Variants in RGS3 observed in about 807,000 individuals in gnomAD.
The protein encoded by RGS3 is regulator of G protein signaling 3.
RGS3 carries 80 observed loss-of-function variants against 132.6 expected under a neutral mutation model. The observed-to-expected ratio is 0.60, with a 90% CI of 0.50 to 0.73. The LOEUF (loss-of-function observed/expected upper bound fraction) is 0.73. RGS3 is among the 30% of genes least tolerant of loss of function. The pLI is 0.00. For missense variants in RGS3, 1,382 were observed against 1,530.8 expected (o/e 0.90, Z 1.62); for synonymous variants, 598 against 620.6 (o/e 0.96, Z 0.54).
chr9:113,464,494 A>T (rs776611221), intron 3 of RGS3, among the ~76,000 whole-genome samples: 11 of 152,200 alleles, frequency 7.2e-5, no homozygotes, highest in African/African-American at 2.7e-4. Flanking sequence ...GTTCCCCCAA[A>T]TAACAGCTGG....
At chr9:113,491,161 ATATT>A (rs1389990029) in intron 7 of RGS3, among the ~76,000 whole-genome samples, 2 of 145,082 alleles carry the variant, frequency 1.4e-5, no homozygotes, top group East Asian at 2.0e-4. Context: ...TATATTATAT[ATATT>A]CTTTATATAT....
chr9:113,508,507 G>C, intron 13 of RGS3, 34 bp from the exon 12 acceptor site: 1 of 1,611,946 alleles, frequency 6.2e-7, no homozygotes, highest in Non-Finnish European at 8.5e-7. Flanking sequence ...CCTGTTCCTG[G>C]GGCTGAGGTG....
chr9:113,484,327 C>CAA (rs775299940), intron 6 of RGS3, 95 bp downstream of exon 4: 1,216 of 84,178 alleles, frequency 0.014, 34 homozygotes, highest in African/African-American at 0.065. Flanking sequence ...TAGATCTATG[C>CAA]AAAAAAAAAA....
At chr9:113,543,518 C>T (rs1361633004) in intron 19 of RGS3, among the ~76,000 whole-genome samples, 4 of 152,146 alleles carry the variant, frequency 2.6e-5, no homozygotes, top group Admixed American at 2.0e-4. Flanking sequence ...GGGCTCAGCC[C>T]GCGGGGGGGA....
chr9:113,518,750 G>A (rs1831798683), intron 16 of RGS3, among the ~76,000 whole-genome samples: 1 of 152,058 alleles, frequency 6.6e-6, no homozygotes, highest in African/African-American at 2.4e-5. Flanking sequence ...TGCAAACTTT[G>A]GGAACTTAAC....
intron 19 of RGS3, among the ~76,000 whole-genome samples, chr9:113,552,551 C>G (rs1833384733): frequency 6.6e-6 from 1 of 152,138 alleles, no homozygotes; most frequent in African/African-American, 2.4e-5. Flanking sequence ...ATCTCCTGAC[C>G]TCGTAATCCG....
intron 19 of RGS3, among the ~76,000 whole-genome samples, chr9:113,538,697 A>G (rs1241256304): frequency 1.3e-5 from 2 of 152,198 alleles, no homozygotes; most frequent in Non-Finnish European, 2.9e-5. Context: ...CCACACTAGA[A>G]TGTATGGGAA....
At chr9:113,532,219 G>A (rs1832498391) in intron 18 of RGS3, among the ~76,000 whole-genome samples, 1 of 152,210 alleles carries the variant, frequency 6.6e-6, no homozygotes, top group African/African-American at 2.4e-5. Context: ...TCAGTGTTGG[G>A]ACTGACGAGT....
intron 19 of RGS3, among the ~76,000 whole-genome samples, chr9:113,549,781 G>A (rs963647604): frequency 6.6e-6 from 1 of 152,206 alleles, no homozygotes; most frequent in South Asian, 2.1e-4. Context: ...TTCAGTGCCT[G>A]TGGAGTATTT....
rs1249970951 is a variant in RGS3 at position 113,579,263 on chromosome 9, A to G, written c.2038-4187A>G. 6.6e-6 allele frequency among the ~76,000 whole-genome samples: 1 copy of G among 152,174 alleles called. No individual in the cohort carries two copies. The highest frequency in any genetic ancestry group is 2.4e-5 in the African/African-American group (1 of 41,430). ...AGCCCACCACTACCCTCAACCCAACATCCGGTGGGCATCTGGGGCCCAGGA... is the reference window on the plus strand; with the variant it reads ...AGCCCACCACTACCCTCAACCCAACGTCCGGTGGGCATCTGGGGCCCAGGA... On this transcript the variant is annotated intron_variant, in intron 19 of 24. Coordinates refer to ENST00000350696, the Ensembl canonical transcript of RGS3. The surrounding 1 kb of genome is among the most constrained non-coding windows in gnomAD (Gnocchi z 4.3).
chr9:113,584,237 A>G (rs1245666982), exon 20 of RGS3: 13 of 1,611,000 alleles, frequency 8.1e-6, no homozygotes, highest in Admixed American at 1.7e-5. Flanking sequence ...CGCCGGACGC[A>G]CAGCGAGGGC....
At chr9:113,467,516 A>G (rs995599721) in intron 3 of RGS3, among the ~76,000 whole-genome samples, 2 of 152,168 alleles carry the variant, frequency 1.3e-5, no homozygotes, top group Admixed American at 1.3e-4. Context: ...CTCATTATTT[A>G]TATATCTTCT....
At chr9:113,573,782 G>A (rs1306496901) in intron 19 of RGS3, among the ~76,000 whole-genome samples, 1 of 152,144 alleles carries the variant, frequency 6.6e-6, no homozygotes, top group African/African-American at 2.4e-5. Context: ...GTCCGAGCGG[G>A]GCCCCTGCGT....
At position 113,586,176 on chromosome 9, in the gene RGS3, C is replaced by T. The variant is rs144692962; in HGVS notation, c.3015+1749C>T. Among the ~76,000 whole-genome samples, 13 of 152,288 alleles carry T rather than the reference C, an allele frequency of 8.5e-5. No homozygotes were observed. In the East Asian group the frequency reaches 1.9e-3, roughly 23 times the overall value. On this transcript the variant is annotated intron_variant, in intron 20 of 24. Coordinates refer to ENST00000350696, the Ensembl canonical transcript of RGS3. The stretch of plus-strand genomic sequence containing the variant: ...GGTTTCTACAGGAGAGAGTCCGGAA[C>T]GCTGTCCTTCCAAGGCAAGGCCTCA...
chr9:113,509,043 T>C (rs1223240758), intron 14 of RGS3, among the ~76,000 whole-genome samples: 1 of 152,022 alleles, frequency 6.6e-6, no homozygotes, highest in Non-Finnish European at 1.5e-5. Flanking sequence ...CCCAGCACTT[T>C]GGCAGGCTGA....
rs1588207287 is a variant in RGS3, at chr9:113,529,280, T to C, written c.1914+16T>C. 1 of 1,604,440 alleles carries C rather than the reference T, an allele frequency of 6.2e-7. No homozygotes were observed. Among genetic ancestry groups the C allele is most frequent in the Non-Finnish European group, 8.5e-7 (1 of 1,171,174 alleles). On this transcript the variant is annotated intron_variant, in intron 18 of 24. Coordinates refer to ENST00000350696, the Ensembl canonical transcript of RGS3. ...TCTAGCAGAGGTGAGTCCTTTCCTC[T>C]GGATTTGAGGAGAGAGATCTTCGAC... is the stretch of plus-strand genomic sequence containing the variant.
chr9:113,485,303 A>G (rs1387906097), intron 6 of RGS3, among the ~76,000 whole-genome samples: 4 of 151,994 alleles, frequency 2.6e-5, no homozygotes, highest in Non-Finnish European at 5.9e-5. Context: ...GTTAGCCAGG[A>G]TGGTCTCGAT....
intron 3 of RGS3, among the ~76,000 whole-genome samples, chr9:113,465,439 C>CTGTGTGTGTGTGTGTGTGTGTGTGTG (rs3221187): frequency 7.4e-6 from 1 of 135,310 alleles, no homozygotes; most frequent in African/African-American, 2.8e-5. Context: ...ACACCTATTT[C>CTGTGTGTGTGTGTGTGTGTGTGTGTG]TGTGTGTGTG....
At chr9:113,595,192 C>T in intron 23 of RGS3, 2 of 596,522 alleles carry the variant, frequency 3.4e-6, no homozygotes, top group East Asian at 2.8e-5. Context: ...TCCATGTGAG[C>T]TGGCACTGCC....
Sources: allele counts gnomAD v4.1 joint callset (sites outside exome capture counted in the v4.1 genomes callset), GRCh38; gene constraint gnomAD v4.1.1; non-coding constraint Gnocchi (gnomAD v3.1); transcripts MANE v1.5; gene names NCBI Gene and HGNC (gene_info 2026-07-23, HGNC 2026-07-21).